The following RELN variants were observed in gnomAD, a reference collection of about 807,000 sequenced individuals.
The protein encoded by RELN is reelin.
In RELN, 108 loss-of-function variants were observed where a neutral mutation model predicts 427.6. The observed-to-expected ratio is 0.25, with a 90% CI of 0.22 to 0.30. RELN has a LOEUF of 0.30. RELN is among the 10% of genes least tolerant of loss of function. The pLI, the probability that RELN is intolerant of heterozygous loss-of-function variation, is 1.00. For synonymous variants in RELN, 1,524 were observed against 1,513.4 expected, an observed-to-expected ratio of 1.01 and a Z score of -0.16; for missense variants, 3,715 against 4,302.8, an observed-to-expected ratio of 0.86 and a Z score of 3.82.
rs763191299 is a variant in RELN, at chr7:103,486,420, G to A, written c.9764-4C>T. 6.2e-7 allele frequency: 1 copy of A among 1,609,146 alleles called. No homozygotes were observed. The highest frequency in any genetic ancestry group is 8.5e-7 in the Non-Finnish European group (1 of 1,175,574). On this transcript the variant is annotated splice_region_variant and splice_polypyrimidine_tract_variant and intron_variant, in intron 60 of 64. Transcript: ENST00000428762. ...CTGAAAACAGAGCAGTCATCACCTA[G>A]AGGACAAGGAGCAGTCACAGAAATT... is the stretch of plus-strand genomic sequence containing the variant.
At chr7:103,860,738 CAA>C (rs1015385285) in intron 2 of RELN, among the ~76,000 whole-genome samples, 1 of 151,992 alleles carries the variant, frequency 6.6e-6, no homozygotes, top group African/African-American at 2.4e-5. Flanking sequence ...ACAAAAATAT[CAA>C]AAAGAGTTCT....
At chr7:103,938,569 T>C (rs1796037974) in intron 1 of RELN, among the ~76,000 whole-genome samples, 1 of 152,240 alleles carries the variant, frequency 6.6e-6, no homozygotes. Flanking sequence ...GGAAATATTA[T>C]AAATAGGGAT....
chr7:103,725,965 G>A (rs938013796), intron 7 of RELN, among the ~76,000 whole-genome samples: 6 of 152,080 alleles, frequency 3.9e-5, no homozygotes, highest in Non-Finnish European at 7.4e-5. Flanking sequence ...AAGGTTCTTT[G>A]CTCGTGGTTC....
Position 103,522,110 on chromosome 7 carries a change from G to A in RELN, c.7580C>T (p.Ser2527Phe), listed in dbSNP as rs114620403. ...GTTCACAGTCAGCCAGTTCTGACTG[G>A]ATGGAGCTCGATTGAAGTTGTCTTT... The part of the protein sequence containing the change: ...QLKDNFNRAP[S>F]SQNWLTVNGG... Residue 2527 changes from serine to phenylalanine, a missense_variant, in exon 48 of 65, where the codon TCC becomes TTC. Transcript: ENST00000428762. 2 of 1,614,014 alleles carry A rather than the reference G, an allele frequency of 1.2e-6. No homozygotes were observed. Among genetic ancestry groups the A allele is most frequent in the South Asian group, 2.2e-5 (2 of 91,066 alleles).
intron 3 of RELN, among the ~76,000 whole-genome samples, chr7:103,792,680 T>C (rs369594918): frequency 2.0e-5 from 3 of 152,066 alleles, no homozygotes; most frequent in African/African-American, 7.2e-5. Context: ...AGTATATCTG[T>C]GGATATACTA....
chr7:103,538,587 C>T (rs1415394298), intron 45 of RELN, among the ~76,000 whole-genome samples: 2 of 152,098 alleles, frequency 1.3e-5, no homozygotes, highest in Non-Finnish European at 2.9e-5. Context: ...AAAATGTCAT[C>T]ATTTGGGGGG....
In RELN at chr7:103,965,725, T is replaced by C. The variant is rs547308331; in HGVS notation, c.226+23406A>G. Among the ~76,000 whole-genome samples, 6 of 152,334 alleles carry C rather than the reference T, an allele frequency of 3.9e-5. No homozygotes were observed. In the East Asian group the frequency reaches 1.2e-3, roughly 29 times the overall value. ...AATCCAATTCCCAGATCTTTTCTCTTTCTGCCAGCCCTGCAAAGTCCTTTG... is the reference window on the plus strand; with the variant it reads ...AATCCAATTCCCAGATCTTTTCTCTCTCTGCCAGCCCTGCAAAGTCCTTTG... On this transcript the variant is annotated intron_variant, in intron 1 of 64. Transcript: ENST00000428762.
At chr7:103,698,135 T>G in intron 9 of RELN, 42 bp from the exon 10 acceptor site, 1 of 1,612,328 alleles carries the variant, frequency 6.2e-7, no homozygotes, top group Non-Finnish European at 8.5e-7. Context: ...AATGCTGACT[T>G]TTTCTTTCTT....
chr7:103,758,381 C>T (rs1328179040), intron 4 of RELN, among the ~76,000 whole-genome samples: 1 of 151,998 alleles, frequency 6.6e-6, no homozygotes, highest in Non-Finnish European at 1.5e-5. Context: ...AAAGGTTCTA[C>T]TTTGCCTAAA....
intron 2 of RELN, among the ~76,000 whole-genome samples, chr7:103,871,469 T>G (rs565452382): frequency 6.6e-6 from 1 of 152,234 alleles, no homozygotes; most frequent in East Asian, 1.9e-4. Context: ...CAAGAATGTA[T>G]TTCCCAAGCA....
At chr7:103,894,970 C>G (rs1366219606) in intron 2 of RELN, among the ~76,000 whole-genome samples, 1 of 152,118 alleles carries the variant, frequency 6.6e-6, no homozygotes, top group East Asian at 1.9e-4. Flanking sequence ...ACCATGTAAT[C>G]TTTACATAAT....
At chr7:103,539,967 C>T (rs1396775477) in intron 44 of RELN, among the ~76,000 whole-genome samples, 5 of 152,204 alleles carry the variant, frequency 3.3e-5, no homozygotes, top group Non-Finnish European at 7.3e-5. Flanking sequence ...TGAGCAGGAC[C>T]TAGTCCTTCT....
chr7:103,926,627 GTTTTTT>G (rs60259062), intron 1 of RELN, among the ~76,000 whole-genome samples: 255 of 99,308 alleles, frequency 2.6e-3, no homozygotes, highest in African/African-American at 8.7e-3. Context: ...AGTATCATAA[GTTTTTT>G]TTTTTTTTTT....
At position 103,485,085 on chromosome 7, in the gene RELN, G is replaced by GC. The variant is rs1169759980; in HGVS notation, c.9983+1111dup. Among the ~76,000 whole-genome samples the GC allele has an allele frequency of 2.6e-5, 4 of 152,204 alleles. No homozygotes were observed. In the South Asian group the frequency reaches 8.3e-4, roughly 32 times the overall value. On this transcript the variant is annotated intron_variant, in intron 61 of 64. Transcript: ENST00000428762. ...TTTAAAGTAGGTGGTGGAATAAAGA[G>GC]CTAGACTTAGAAACGTATAAATGCA... is the stretch of plus-strand genomic sequence containing the variant.
At position 103,701,116 on chromosome 7, in the gene RELN, G is replaced by T. The variant is rs1166171388; in HGVS notation, c.806-110C>A. ...TTTTAAACTATTAGATATTTGTCTG[G>T]TAACTTCCCCATTCTTCTAATGATG... On this transcript the variant is annotated intron_variant, in intron 8 of 64. Coordinates refer to ENST00000428762, the MANE Select transcript of RELN (RefSeq NM_005045.4). 9.8e-6 allele frequency: 7 copies of T among 717,624 alleles called. No homozygotes were observed. In the African/African-American group the frequency reaches 1.2e-4, roughly 13 times the overall value. 44.5% of individuals were successfully genotyped at this position (717,624 alleles called of 1,614,324 possible). A position where few individuals can be genotyped will look rare whatever the true frequency, so the allele number is the denominator to read the frequency against.
At chr7:103,632,967 A>G (rs1832504373) in intron 19 of RELN, among the ~76,000 whole-genome samples, 1 of 152,152 alleles carries the variant, frequency 6.6e-6, no homozygotes, top group Non-Finnish European at 1.5e-5. Flanking sequence ...AAAAGCTAGG[A>G]TAATTTTAGT....
intron 2 of RELN, among the ~76,000 whole-genome samples, chr7:103,835,072 G>C (rs866989786): frequency 6.6e-6 from 1 of 152,162 alleles, no homozygotes; most frequent in South Asian, 2.1e-4. Flanking sequence ...TTGGTGAATG[G>C]ATAATGTGGT....
chr7:103,588,532 C>G (rs1831332085), intron 28 of RELN, among the ~76,000 whole-genome samples: 1 of 152,066 alleles, frequency 6.6e-6, no homozygotes, highest in Non-Finnish European at 1.5e-5. Context: ...GTGATGGACA[C>G]CCTAAATATC....
chr7:103,536,727 T>C (rs2117121236), intron 45 of RELN, among the ~76,000 whole-genome samples: 1 of 152,364 alleles, frequency 6.6e-6, no homozygotes, highest in African/African-American at 2.4e-5. Flanking sequence ...TTCTGACTCC[T>C]TTGCAAGTTT....
Sources: allele counts gnomAD v4.1 joint callset (sites outside exome capture counted in the v4.1 genomes callset), GRCh38; gene constraint gnomAD v4.1.1; transcripts MANE v1.5; gene names NCBI Gene and HGNC (gene_info 2026-07-23, HGNC 2026-07-21).